The following CCDC180 variants were observed in gnomAD, a reference collection of about 807,000 sequenced individuals.
CCDC180 encodes the protein coiled-coil domain containing 180.
Under a neutral mutation model 209.2 loss-of-function variants are expected in CCDC180, and 154 were observed. The ratio of observed to expected loss-of-function variants is 0.74; its 90% confidence interval spans 0.65 to 0.84. The LOEUF is 0.84. Among genes scored for constraint, CCDC180 ranks in the 40% least tolerant of loss-of-function variants. The pLI, the probability that CCDC180 is intolerant of heterozygous loss-of-function variation, is 0.00. For synonymous variants in CCDC180, 778 were observed against 749.1 expected, an observed-to-expected ratio of 1.04 and a Z score of -0.63; for missense variants, 1,874 against 1,997.3, an observed-to-expected ratio of 0.94 and a Z score of 1.18.
chr9:97,334,942 A>G (rs1012102064), intron 18 of CCDC180, among the ~76,000 whole-genome samples: 3 of 152,188 alleles, frequency 2.0e-5, no homozygotes, highest in African/African-American at 7.2e-5. Flanking sequence ...TATATCTTGA[A>G]GAGAAGGTCT....
intron 13 of CCDC180, 116 bp from the exon 14 acceptor site, chr9:97,324,903 C>A (rs774308603): frequency 1.1e-6 from 1 of 930,086 alleles, no homozygotes; most frequent in Non-Finnish European, 1.6e-6. Flanking sequence ...CCTTGAGGGA[C>A]GGTGTCTGGG....
chr9:97,347,244 C>G (rs929445169), intron 19 of CCDC180, 70 bp from the exon 20 acceptor site: 2 of 1,448,650 alleles, frequency 1.4e-6, no homozygotes, highest in Non-Finnish European at 1.8e-6. Flanking sequence ...CACTTTGGGT[C>G]TCCATATGGA....
chr9:97,368,095 C>T (rs1826977465), intron 31 of CCDC180, among the ~76,000 whole-genome samples: 2 of 152,240 alleles, frequency 1.3e-5, no homozygotes, highest in East Asian at 1.9e-4. Context: ...CTAGTGAAGA[C>T]TTCTGTTTCC....
At chr9:97,339,852 T>C (rs1009273250) in intron 18 of CCDC180, among the ~76,000 whole-genome samples, 2 of 152,174 alleles carry the variant, frequency 1.3e-5, no homozygotes, top group African/African-American at 4.8e-5. Flanking sequence ...AGGCTTTGTT[T>C]GTTTCTTTTT....
rs373074328 is a variant in CCDC180 at position 97,314,538 on chromosome 9, G to T, written c.588+17G>T. The stretch of plus-strand genomic sequence containing the variant: ...ACCATCCAAGTAGGGGTCCCTTCGT[G>T]GCTGGGCCTGCCCCACCCAGGTCCT... On this transcript the variant is annotated intron_variant, in intron 6 of 36. Coordinates refer to ENST00000529487, the MANE Select transcript of CCDC180 (RefSeq NM_020893.6). 1.5e-4 allele frequency: 248 copies of T among 1,613,846 alleles called. No homozygotes were observed. The highest frequency in any genetic ancestry group is 1.6e-4 in the Non-Finnish European group (193 of 1,179,906).
At position 97,360,012 on chromosome 9, in the gene CCDC180, G is replaced by C. The variant is rs181290710; in HGVS notation, c.3394G>C (p.Val1132Leu). Residue 1132 changes from valine (V) to leucine (L), a missense_variant, in exon 26 of 37, where the codon GTC (valine) becomes CTC (leucine). Val to Leu is a conservative substitution (Grantham distance 32, BLOSUM62 1). Transcript: ENST00000529487. ...TVTTEELLSFVQTWKEKLSQR... is the reference protein window; with the variant it reads ...TVTTEELLSFLQTWKEKLSQR... The stretch of plus-strand genomic sequence containing the variant: ...GACCACAGAAGAACTCCTCAGCTTC[G>C]TCCAAACTTGGAAGGAAAAACTGAG... 8 of 1,613,532 alleles carry C rather than the reference G, an allele frequency of 5.0e-6. No homozygotes were observed. The highest frequency in any genetic ancestry group is 3.3e-4 in the Middle Eastern group (2 of 6,078).
At chr9:97,370,151 G>T in intron 32 of CCDC180, 69 bp downstream of exon 32, 1 of 1,534,094 alleles carries the variant, frequency 6.5e-7, no homozygotes, top group South Asian at 1.2e-5. Context: ...ATGGTGGCAG[G>T]TTGTGGGCAG....
At position 97,376,889 on chromosome 9, in the gene CCDC180, G is replaced by T. The variant is rs1409762368; in HGVS notation, c.4969G>T (p.Val1657Leu). 4 of 1,611,110 alleles carry T rather than the reference G, an allele frequency of 2.5e-6. No homozygotes were observed. The highest frequency in any genetic ancestry group is 3.4e-6 in the Non-Finnish European group (4 of 1,179,540). The change falls in exon 37 of 37, where the codon GTG (valine) becomes TTG (leucine). Residue 1657 changes from valine (V) to leucine (L), a missense_variant. Val to Leu is a conservative substitution (Grantham distance 32, BLOSUM62 1). Transcript: ENST00000529487. ...QSLHTIQGLY[V>L] Reference sequence around the variant, plus strand: ...CCTGCACACTATCCAAGGCCTGTATGTGTGACCCTCCGCCCCACCATGAAT... The same window carrying T: ...CCTGCACACTATCCAAGGCCTGTATTTGTGACCCTCCGCCCCACCATGAAT...
At chr9:97,350,653 C>A in intron 22 of CCDC180, 98 bp downstream of exon 22, 1 of 1,279,272 alleles carries the variant, frequency 7.8e-7, no homozygotes, top group South Asian at 1.5e-5. Flanking sequence ...ACAAAATAAA[C>A]GTAACATCAA....
Position 97,366,919 on chromosome 9 carries a change from T to C in CCDC180, c.4189+219T>C, listed in dbSNP as rs1053648170. Reference sequence around the variant, plus strand: ...AAAAGTTCACTTTTCTTGAGAAATATGGTGATTTGTACCTCTAAAAATATT... The same window carrying C: ...AAAAGTTCACTTTTCTTGAGAAATACGGTGATTTGTACCTCTAAAAATATT... On this transcript the variant is annotated intron_variant, in intron 31 of 36. Transcript: ENST00000529487. This position sits in a 1 kb window ranked among gnomAD's most constrained non-coding sequence, Gnocchi z 4.3. 1.3e-5 allele frequency among the ~76,000 whole-genome samples: 2 copies of C among 152,268 alleles called. No homozygotes were observed. Among genetic ancestry groups the C allele is most frequent in the African/African-American group, 4.8e-5 (2 of 41,478 alleles).
At chr9:97,356,339 G>A (rs12554363) in intron 24 of CCDC180, among the ~76,000 whole-genome samples, 2 of 152,156 alleles carry the variant, frequency 1.3e-5, no homozygotes, top group South Asian at 2.1e-4. Context: ...GGCATCTCAC[G>A]CTCTGAGATA....
At chr9:97,328,392 A>G (rs1833605379) in intron 16 of CCDC180, among the ~76,000 whole-genome samples, 1 of 152,138 alleles carries the variant, frequency 6.6e-6, no homozygotes, top group Non-Finnish European at 1.5e-5. Flanking sequence ...GTTAATTTAT[A>G]TGGTGCTTGG....
At chr9:97,363,505 G>A (rs758858057) in intron 28 of CCDC180, 1 of 481,756 alleles carries the variant, frequency 2.1e-6, no homozygotes, top group Admixed American at 2.0e-5. Flanking sequence ...TCTCTGAGAG[G>A]TTACGAAACA....
At position 97,366,648 on chromosome 9, in the gene CCDC180, G is replaced by T; in HGVS notation, c.4137G>T (p.Lys1379Asn). ...AGTGCGCCGAGAACATTAGCAAAAAGATCCTGGAGTATCAGAGCCAGGCAA... is the reference window on the plus strand; with the variant it reads ...AGTGCGCCGAGAACATTAGCAAAAATATCCTGGAGTATCAGAGCCAGGCAA... Reference protein sequence around the residue: ...FDQCAENISKKILEYQSQANK... With the variant: ...FDQCAENISKNILEYQSQANK... The change falls in exon 31 of 37, where the codon AAG becomes AAT. Residue 1379 changes from lysine to asparagine, a missense_variant. Coordinates refer to ENST00000529487, the MANE Select transcript of CCDC180 (RefSeq NM_020893.6). This position sits in a 1 kb window ranked among gnomAD's most constrained non-coding sequence, Gnocchi z 4.3. 6.2e-7 allele frequency: 1 copy of T among 1,614,194 alleles called. No individual in the cohort carries two copies. Among genetic ancestry groups the T allele is most frequent in the Non-Finnish European group, 8.5e-7 (1 of 1,180,032 alleles).
chr9:97,362,559 C>G, intron 28 of CCDC180, 118 bp downstream of exon 28: 1 of 1,439,520 alleles, frequency 6.9e-7, no homozygotes, highest in Non-Finnish European at 9.3e-7. Flanking sequence ...GCTCATGGCT[C>G]TGGGACTCCA....
chr9:97,324,059 G>C (rs539342843), intron 13 of CCDC180, 156 bp downstream of exon 13: 79 of 837,506 alleles, frequency 9.4e-5, no homozygotes, highest in Admixed American at 1.8e-4. Flanking sequence ...CCCTTACGCT[G>C]GCCACTCCAA....
Position 97,371,149 on chromosome 9 carries a change from A to G in CCDC180, c.4488+371A>G, listed in dbSNP as rs550478768. ...CGGCTAATTTTTTTGTATTTTTAGT[A>G]GAGACGGGGTTTCACCGTGTTAGCC... On this transcript the variant is annotated intron_variant, in intron 33 of 36. Transcript: ENST00000529487. 5.9e-4 allele frequency: 99 copies of G among 168,652 alleles called. 1 individual carries two copies. The highest frequency in any genetic ancestry group is 2.5e-3 in the Admixed American group (42 of 16,894). The allele number at this position is 168,652 out of a possible 1,614,324, so 10.4% of individuals were successfully genotyped here.
chr9:97,322,201 T>G (rs1372699417), intron 11 of CCDC180, among the ~76,000 whole-genome samples: 2 of 152,148 alleles, frequency 1.3e-5, no homozygotes, highest in African/African-American at 2.4e-5. Context: ...TTTTCATCAG[T>G]TCTAGCATCT....
rs200634858 is a variant in CCDC180 at position 97,343,541 on chromosome 9, C to T, written c.2476C>T (p.Leu826=). The T allele has an allele frequency of 8.1e-6, 13 of 1,612,068 alleles. No individual in the cohort carries two copies. In the East Asian group the frequency reaches 2.9e-4, roughly 36 times the overall value. The part of the protein sequence containing the change: ...FIEQVTIPSR[L]ILEIKKQLRA... ...AGAACAAGTGACAATTCCATCGAGA[C>T]TAATTTTAGAAATTAAGAAACAGTG... The change falls in exon 19 of 37, where the codon CTA becomes TTA. Residue 826 remains leucine, a synonymous_variant. Transcript: ENST00000529487.
Sources: gnomAD v4.1 joint callset for allele counts (sites outside exome capture counted in the v4.1 genomes callset) on GRCh38, gnomAD v4.1.1 for gene constraint, Gnocchi (gnomAD v3.1) non-coding constraint, MANE v1.5 for transcripts, NCBI Gene and HGNC (gene_info 2026-07-23, HGNC 2026-07-21) for gene names.